The following ADCY2 variants were observed in gnomAD, a reference collection of about 807,000 sequenced individuals.
The protein encoded by ADCY2 is adenylate cyclase type 2.
Under a neutral mutation model 125.2 loss-of-function variants are expected in ADCY2, and 31 were observed. That is an observed-to-expected ratio of 0.25 (90% CI 0.19 to 0.33). The LOEUF is 0.33. Among genes scored for constraint, ADCY2 ranks in the 10% least tolerant of loss-of-function variants. The pLI, the probability that ADCY2 is intolerant of heterozygous loss-of-function variation, is 1.00. For synonymous variants in ADCY2, 512 were observed against 548.4 expected (o/e 0.93, Z 0.93); for missense variants, 904 against 1,418.2 (o/e 0.64, Z 5.82).
chr5:7,408,723 AC>A (rs1347618171), intron 1 of ADCY2, among the ~76,000 whole-genome samples: 1 of 152,122 alleles, frequency 6.6e-6, no homozygotes, highest in Non-Finnish European at 1.5e-5. Context: ...AAAAACAAAA[AC>A]AAAAAACAGA....
chr5:7,773,137 C>T, intron 18 of ADCY2, 36 bp downstream of exon 18: 1 of 1,598,394 alleles, frequency 6.3e-7, no homozygotes, highest in Non-Finnish European at 8.6e-7. Flanking sequence ...TACTATAGTT[C>T]TTTCCCAGCC....
intron 2 of ADCY2, among the ~76,000 whole-genome samples, chr5:7,445,149 A>G (rs1270402518): frequency 6.6e-6 from 1 of 152,194 alleles, no homozygotes; most frequent in Admixed American, 6.5e-5. Flanking sequence ...ATATTTAGGA[A>G]GTCTGTTTCC....
At chr5:7,736,999 G>A (rs1742268374) in intron 14 of ADCY2, among the ~76,000 whole-genome samples, 1 of 152,040 alleles carries the variant, frequency 6.6e-6, no homozygotes, top group Non-Finnish European at 1.5e-5. Flanking sequence ...AATACTTCAA[G>A]TAAAAACTTT....
intron 3 of ADCY2, among the ~76,000 whole-genome samples, chr5:7,597,877 C>T (rs1032951764): frequency 6.6e-6 from 1 of 152,188 alleles, no homozygotes; most frequent in Non-Finnish European, 1.5e-5. Context: ...TCATAGAACA[C>T]CTGTGTACCT....
chr5:7,681,424 C>T (rs1740332054), intron 4 of ADCY2, among the ~76,000 whole-genome samples: 1 of 152,124 alleles, frequency 6.6e-6, no homozygotes, highest in Admixed American at 6.5e-5. Context: ...TTTATCAGAA[C>T]AAATATGCAG....
chr5:7,745,099 CACT>C (rs1251325262), intron 15 of ADCY2, among the ~76,000 whole-genome samples: 1 of 152,162 alleles, frequency 6.6e-6, no homozygotes, highest in Non-Finnish European at 1.5e-5. Context: ...TCATAAAACA[CACT>C]ACTACTGCTA....
intron 10 of ADCY2, among the ~76,000 whole-genome samples, chr5:7,711,336 A>G (rs767445920): frequency 5.3e-5 from 8 of 152,220 alleles, no homozygotes; most frequent in Non-Finnish European, 8.8e-5. Context: ...CATGAAAAAC[A>G]GTAATTTGGA....
intron 7 of ADCY2, among the ~76,000 whole-genome samples, chr5:7,703,873 G>A (rs370804808): frequency 5.3e-5 from 8 of 151,982 alleles, no homozygotes; most frequent in African/African-American, 1.5e-4. Flanking sequence ...GCCTGGTGGT[G>A]CACGCCTGTA....
At chr5:7,584,023 T>C (rs1736532414) in intron 3 of ADCY2, among the ~76,000 whole-genome samples, 1 of 151,924 alleles carries the variant, frequency 6.6e-6, no homozygotes, top group Admixed American at 6.6e-5. Context: ...GGATGAAAAA[T>C]AGCAGAAAAG....
chr5:7,624,946 G>A (rs915584999), intron 3 of ADCY2, among the ~76,000 whole-genome samples: 2 of 152,316 alleles, frequency 1.3e-5, no homozygotes, highest in East Asian at 3.9e-4. Context: ...GTCTTGCCAT[G>A]AACACACAAG....
rs547573143 is a variant in ADCY2, at chr5:7,469,300, T to G, written c.409-51438T>G. Among the ~76,000 whole-genome samples, 9 of 151,188 alleles carry G rather than the reference T, an allele frequency of 6.0e-5. No individual in the cohort carries two copies. In the East Asian group the frequency reaches 1.7e-3, roughly 29 times the overall value. Reference sequence around the variant, plus strand: ...GTGTGACTATATGAGTACATTCATTTTTATACATTTAAAACTGTGATCACA... The same window carrying G: ...GTGTGACTATATGAGTACATTCATTGTTATACATTTAAAACTGTGATCACA... On this transcript the variant is annotated intron_variant, in intron 2 of 24. Transcript: ENST00000338316.
chr5:7,710,012 C>T (rs114236066), intron 10 of ADCY2, among the ~76,000 whole-genome samples: 2,303 of 152,250 alleles, frequency 0.015, 24 homozygotes, highest in Non-Finnish European at 0.026. Context: ...GATTTTAAAA[C>T]TATCTGGGGG....
At chr5:7,655,926 T>C (rs1739307200) in intron 4 of ADCY2, among the ~76,000 whole-genome samples, 1 of 152,190 alleles carries the variant, frequency 6.6e-6, no homozygotes, top group East Asian at 1.9e-4. Flanking sequence ...CAGATGCTTC[T>C]TCACCACCTG....
chr5:7,709,770 T>C lies in ADCY2; in HGVS notation c.1578+383T>C, dbSNP rs568286110. On this transcript the variant is annotated intron_variant, in intron 10 of 24. Transcript: ENST00000338316. This position sits in a 1 kb window ranked among gnomAD's most constrained non-coding sequence, Gnocchi z 4.4. ...TGATGCCCTTGGAGTTTAAGTAGTA[T>C]CATCAAGCCCATTTCTTCATTGCCC... 6.6e-6 allele frequency among the ~76,000 whole-genome samples: 1 copy of C among 152,352 alleles called. No individual in the cohort carries two copies. The highest frequency in any genetic ancestry group is 1.5e-5 in the Non-Finnish European group (1 of 68,034).
intron 14 of ADCY2, 108 bp from the exon 15 acceptor site, chr5:7,743,560 C>A: frequency 1.1e-6 from 1 of 909,506 alleles, no homozygotes; most frequent in South Asian, 1.5e-5. Context: ...GTGAGGATTG[C>A]AGTCTGCATT....
chr5:7,758,884 G>C (rs1392458309), intron 16 of ADCY2, among the ~76,000 whole-genome samples: 1 of 152,212 alleles, frequency 6.6e-6, no homozygotes, highest in Admixed American at 6.5e-5. Context: ...TTACGAAGTA[G>C]AGAAAAACAA....
intron 15 of ADCY2, among the ~76,000 whole-genome samples, chr5:7,745,301 A>G (rs940552062): frequency 6.6e-6 from 1 of 152,200 alleles, no homozygotes; most frequent in Non-Finnish European, 1.5e-5. Context: ...GACTGTAAGC[A>G]CTTTGTCCTC....
chr5:7,728,508 G>A lies in ADCY2; in HGVS notation c.1871+1247G>A, dbSNP rs142122822. 5.8e-4 allele frequency among the ~76,000 whole-genome samples: 89 copies of A among 152,228 alleles called. No individual in the cohort carries two copies. The East Asian group carries it at 0.012, about 21-fold the overall frequency. ...CTTCAGGACTTACAGAATCTTCAGTGAAATTTCCCAATGTTAACATTATCA... is the reference window on the plus strand; with the variant it reads ...CTTCAGGACTTACAGAATCTTCAGTAAAATTTCCCAATGTTAACATTATCA... On this transcript the variant is annotated intron_variant, in intron 14 of 24. Coordinates refer to ENST00000338316, the MANE Select transcript of ADCY2 (RefSeq NM_020546.3).
intron 3 of ADCY2, among the ~76,000 whole-genome samples, chr5:7,578,921 G>A (rs1356908742): frequency 6.6e-6 from 1 of 152,106 alleles, no homozygotes; most frequent in African/African-American, 2.4e-5. Flanking sequence ...CAGCGTGCTG[G>A]GTTAGGACTA....
Sources: allele counts gnomAD v4.1 joint callset (sites outside exome capture counted in the v4.1 genomes callset), GRCh38; gene constraint gnomAD v4.1.1; non-coding constraint Gnocchi (gnomAD v3.1); transcripts MANE v1.5; gene names NCBI Gene and HGNC (gene_info 2026-07-23, HGNC 2026-07-21).